UNC5C: variants seen among roughly 807,000 people sequenced by gnomAD.
The protein encoded by UNC5C is netrin receptor UNC5C.
UNC5C carries 47 observed loss-of-function variants against 99.8 expected under a neutral mutation model. The observed-to-expected ratio is 0.47, with a 90% CI of 0.37 to 0.60. The LOEUF is 0.60. Among genes scored for constraint, UNC5C ranks in the 20% least tolerant of loss-of-function variants. The pLI is 0.00. For missense variants in UNC5C, 1,062 were observed against 1,165.9 expected (o/e 0.91, Z 1.30); for synonymous variants, 487 against 452.2 (o/e 1.08, Z -0.98).
chr4:95,179,678 C>T (rs547673147), intron 14 of UNC5C, among the ~76,000 whole-genome samples: 2 of 138,080 alleles, frequency 1.4e-5, no homozygotes, highest in East Asian at 2.2e-4. Context: ...ACCCAGGAGG[C>T]GGAGGTTGCA....
At chr4:95,280,140 C>T (rs903207708) in intron 3 of UNC5C, among the ~76,000 whole-genome samples, 1 of 151,986 alleles carries the variant, frequency 6.6e-6, no homozygotes, top group Non-Finnish European at 1.5e-5. Context: ...GACCCCTGCT[C>T]GCAAGGTATA....
chr4:95,337,658 T>G (rs1314621211), intron 1 of UNC5C, among the ~76,000 whole-genome samples: 1 of 151,984 alleles, frequency 6.6e-6, no homozygotes, highest in East Asian at 1.9e-4. Context: ...TTTCCTTAAT[T>G]TTGACTTTTA....
At chr4:95,398,064 G>GTTTTTT (rs1745575077) in intron 1 of UNC5C, among the ~76,000 whole-genome samples, 1 of 22,162 alleles carries the variant, frequency 4.5e-5, no homozygotes, top group African/African-American at 2.6e-4. Context: ...TTTTTTTTTT[G>GTTTTTT]CTTATGTAAA....
In UNC5C at chr4:95,533,251, T is replaced by C. The variant is rs187683239; in HGVS notation, c.124+15483A>G. ...TCTCTACTAAAAATACAAAAAAAAT[T>C]AGCTGGGCATGGTGGCGGGCGTCTG... On this transcript the variant is annotated intron_variant, in intron 1 of 15. Transcript: ENST00000453304. Among the ~76,000 whole-genome samples, 873 of 151,858 alleles carry C rather than the reference T, an allele frequency of 5.7e-3. 11 individuals carry two copies. Among genetic ancestry groups the C allele is most frequent in the African/African-American group, 0.02 (813 of 41,434 alleles).
At chr4:95,250,284 C>T (rs1019325744) in intron 5 of UNC5C, among the ~76,000 whole-genome samples, 1 of 152,086 alleles carries the variant, frequency 6.6e-6, no homozygotes, top group African/African-American at 2.4e-5. Flanking sequence ...CCAGAGGATG[C>T]TGAGGTGGGA....
intron 10 of UNC5C, 76 bp downstream of exon 10, chr4:95,216,048 T>C: frequency 7.8e-7 from 1 of 1,278,416 alleles, no homozygotes; most frequent in Non-Finnish European, 1.1e-6. Context: ...ATATGTTGGG[T>C]TTATTGTGTC....
At chr4:95,169,878 G>A (rs948273104) in intron 15 of UNC5C, among the ~76,000 whole-genome samples, 1 of 152,106 alleles carries the variant, frequency 6.6e-6, no homozygotes, top group Non-Finnish European at 1.5e-5. Flanking sequence ...GTAGTGAATG[G>A]CTATATGATT....
chr4:95,407,327 A>G (rs1042946305), intron 1 of UNC5C, among the ~76,000 whole-genome samples: 1 of 152,054 alleles, frequency 6.6e-6, no homozygotes, highest in African/African-American at 2.4e-5. Context: ...GGTATGTTTC[A>G]CCAGCTGTGG....
At chr4:95,347,820 T>C (rs2149427388) in intron 1 of UNC5C, among the ~76,000 whole-genome samples, 1 of 151,970 alleles carries the variant, frequency 6.6e-6, no homozygotes, top group Non-Finnish European at 1.5e-5. Flanking sequence ...AAATAAAGAT[T>C]GGGGAAACTC....
intron 7 of UNC5C, among the ~76,000 whole-genome samples, chr4:95,233,432 A>G (rs947800773): frequency 2.0e-5 from 3 of 152,210 alleles, no homozygotes; most frequent in Non-Finnish European, 4.4e-5. Context: ...CAAAGAGAAT[A>G]AAAACTAAAA....
chr4:95,341,985 TC>T (rs1410878484), intron 1 of UNC5C, among the ~76,000 whole-genome samples: 1 of 152,164 alleles, frequency 6.6e-6, no homozygotes, highest in Non-Finnish European at 1.5e-5. Context: ...CAGAGGGGAC[TC>T]ACCCATCCTT....
At chr4:95,221,945 A>T (rs1201934988) in intron 7 of UNC5C, among the ~76,000 whole-genome samples, 1 of 152,128 alleles carries the variant, frequency 6.6e-6, no homozygotes, top group Non-Finnish European at 1.5e-5. Context: ...CCCTTTACTT[A>T]TATCAGCACA....
At position 95,277,961 on chromosome 4, in the gene UNC5C, T is replaced by C. The variant is rs527805768; in HGVS notation, c.594+298A>G. Among the ~76,000 whole-genome samples, 244 of 152,336 alleles carry C rather than the reference T, an allele frequency of 1.6e-3. 2 individuals carry two copies. The highest frequency in any genetic ancestry group is 2.0e-3 in the Non-Finnish European group (135 of 68,038). On this transcript the variant is annotated intron_variant, in intron 4 of 15. Coordinates refer to ENST00000453304, the MANE Select transcript of UNC5C (RefSeq NM_003728.4). ...AAATTGATGGCACATTGTTAAGTCA[T>C]ACCATCTCTCTATGATAAGTGCCAG...
At chr4:95,306,361 C>G (rs929130087) in intron 2 of UNC5C, among the ~76,000 whole-genome samples, 1 of 152,156 alleles carries the variant, frequency 6.6e-6, no homozygotes, top group South Asian at 2.1e-4. Context: ...TGCCACCATG[C>G]CTGGCTAATT....
At chr4:95,187,200 T>C (rs528601193) in intron 12 of UNC5C, among the ~76,000 whole-genome samples, 1 of 151,994 alleles carries the variant, frequency 6.6e-6, no homozygotes, top group African/African-American at 2.4e-5. Context: ...GATGTTTGTT[T>C]ATAAGCCATT....
rs1405893448 is a variant in UNC5C at position 95,167,079 on chromosome 4, A to T, written c.*2155T>A. ...GCAAGGTATCAGCAGTTCCTCAGGG[A>T]TGAGGATGGCGGAGGCATCAAGGAA... On this transcript the variant is annotated 3_prime_UTR_variant, in exon 16 of 16. Coordinates refer to ENST00000453304, the MANE Select transcript of UNC5C (RefSeq NM_003728.4). The T allele has an allele frequency of 6.6e-6, 1 of 152,228 alleles. No individual in the cohort carries two copies. The highest frequency in any genetic ancestry group is 1.5e-5 in the Non-Finnish European group (1 of 68,044). 9.4% of individuals were successfully genotyped at this position (152,228 alleles called of 1,614,324 possible). A position where few individuals can be genotyped will look rare whatever the true frequency, so the allele number is the denominator to read the frequency against.
intron 2 of UNC5C, among the ~76,000 whole-genome samples, chr4:95,308,259 G>A (rs555188676): frequency 6.6e-6 from 1 of 151,874 alleles, no homozygotes; most frequent in South Asian, 2.1e-4. Flanking sequence ...TACAGTTGCA[G>A]GACACAAAAT....
intron 11 of UNC5C, among the ~76,000 whole-genome samples, chr4:95,204,316 T>C (rs1737796591): frequency 6.6e-6 from 1 of 152,174 alleles, no homozygotes. Context: ...TGAAAGACCA[T>C]GTATGGGATG....
intron 1 of UNC5C, among the ~76,000 whole-genome samples, chr4:95,546,067 A>G (rs1384445382): frequency 6.6e-6 from 1 of 152,242 alleles, no homozygotes; most frequent in Non-Finnish European, 1.5e-5. Context: ...CTGAAGATAT[A>G]TATACATACT....
Sources: gnomAD v4.1 joint callset for allele counts (sites outside exome capture counted in the v4.1 genomes callset) on GRCh38, gnomAD v4.1.1 for gene constraint, MANE v1.5 for transcripts, NCBI Gene and HGNC (gene_info 2026-07-23, HGNC 2026-07-21) for gene names.